POU6F2: variants seen among roughly 807,000 people sequenced by gnomAD.
POU6F2 encodes POU domain, class 6, transcription factor 2.
Under a neutral mutation model 71.3 loss-of-function variants are expected in POU6F2, and 31 were observed. The observed-to-expected ratio is 0.43, with a 90% CI of 0.33 to 0.59. POU6F2 has a LOEUF of 0.59. Ranked by LOEUF, POU6F2 falls within the 20% of genes least tolerant of loss-of-function variation. POU6F2 has a pLI of 0.04. For synonymous variants in POU6F2, 347 were observed against 355.7 expected (o/e 0.98, Z 0.27); for missense variants, 783 against 856.8 (o/e 0.91, Z 1.07).
rs549066277 is a variant in POU6F2, at chr7:39,077,190, C to A, written c.106-8670C>A. Reference sequence around the variant, plus strand: ...AGCCTGGATTGAACTCATATTGATGCTTTTTCATAAAGGCAGCAGAAATTG... The same window carrying A: ...AGCCTGGATTGAACTCATATTGATGATTTTTCATAAAGGCAGCAGAAATTG... On this transcript the variant is annotated intron_variant, in intron 1 of 9. Coordinates refer to ENST00000518318, the MANE Select transcript of POU6F2 (RefSeq NM_001370959.1). Among the ~76,000 whole-genome samples the A allele has an allele frequency of 7.2e-5, 11 of 152,282 alleles. No individual in the cohort carries two copies. The South Asian group carries it at 2.3e-3, about 32-fold the overall frequency.
intron 2 of POU6F2, among the ~76,000 whole-genome samples, chr7:39,161,055 A>T (rs978658948): frequency 3.3e-5 from 5 of 152,178 alleles, no homozygotes; most frequent in Non-Finnish European, 7.4e-5. Context: ...TCAGACTATC[A>T]GAACTGTGAG....
chr7:39,361,361 C>T (rs1304249938), intron 5 of POU6F2, among the ~76,000 whole-genome samples: 2 of 152,202 alleles, frequency 1.3e-5, no homozygotes, highest in Non-Finnish European at 2.9e-5. Context: ...GGAGAAGAGG[C>T]AAGGCTGTCA....
intron 5 of POU6F2, among the ~76,000 whole-genome samples, chr7:39,390,760 C>T (rs1410822452): frequency 2.0e-5 from 3 of 152,066 alleles, no homozygotes; most frequent in Admixed American, 6.6e-5. Flanking sequence ...ATGTTAGTGG[C>T]GTTACATGAG....
chr7:39,002,087 C>A (rs1274904074), intron 1 of POU6F2: 1 of 152,134 alleles, frequency 6.6e-6, no homozygotes, highest in African/African-American at 2.4e-5. Context: ...AAATAACAGA[C>A]AGGATGATAT....
In POU6F2 at chr7:39,463,295, G is replaced by A. The variant is rs561952367; in HGVS notation, c.1659-887G>A. Among the ~76,000 whole-genome samples the A allele has an allele frequency of 2.0e-5, 3 of 152,362 alleles. No individual in the cohort carries two copies. In the South Asian group the frequency reaches 6.2e-4, roughly 32 times the overall value. On this transcript the variant is annotated intron_variant, in intron 9 of 9. Transcript: ENST00000518318. ...AAAGTCAATGTAGCAAAGAATTGCT[G>A]ATGGCAGTTGATATATAGAAGACCT... is the stretch of plus-strand genomic sequence containing the variant.
intron 2 of POU6F2, among the ~76,000 whole-genome samples, chr7:39,096,385 C>T (rs945972785): frequency 1.3e-5 from 2 of 152,126 alleles, no homozygotes; most frequent in Non-Finnish European, 2.9e-5. Context: ...CCCCTTCAGA[C>T]ATCAAAAGAC....
chr7:39,243,190 T>C (rs192989339), intron 4 of POU6F2, among the ~76,000 whole-genome samples: 1 of 152,162 alleles, frequency 6.6e-6, no homozygotes, highest in South Asian at 2.1e-4. Flanking sequence ...AAAATGGCAG[T>C]ATTCTTCCTT....
chr7:39,213,343 T>G (rs1286925590), intron 4 of POU6F2, among the ~76,000 whole-genome samples: 1 of 152,202 alleles, frequency 6.6e-6, no homozygotes, highest in Admixed American at 6.5e-5. Context: ...GGGAATAGTT[T>G]GGGGATTAGG....
chr7:39,056,652 C>G (rs1790526868), intron 1 of POU6F2, among the ~76,000 whole-genome samples: 1 of 129,304 alleles, frequency 7.7e-6, no homozygotes, highest in East Asian at 2.2e-4. Context: ...CTCTTTTTCT[C>G]TCTCTCTCTC....
At chr7:39,306,654 C>A (rs1399360826) in intron 4 of POU6F2, among the ~76,000 whole-genome samples, 1 of 152,140 alleles carries the variant, frequency 6.6e-6, no homozygotes, top group East Asian at 1.9e-4. Context: ...GGGTCACTAC[C>A]TAATCTAGAT....
rs570150846 is a variant in POU6F2, at chr7:39,410,369, A to G, written c.1113+3629A>G. 2.0e-5 allele frequency among the ~76,000 whole-genome samples: 3 copies of G among 152,346 alleles called. No homozygotes were observed. In the East Asian group the frequency reaches 5.8e-4, roughly 29 times the overall value. On this transcript the variant is annotated intron_variant, in intron 6 of 9. Transcript: ENST00000518318. ...TACCCAGGGATGTTAAAGGCTCTAA[A>G]GTTATATAGTACCCAACTCCACTCT...
In POU6F2 at chr7:39,037,928, A is replaced by G. The variant is rs543410701; in HGVS notation, c.106-47932A>G. ...TAGTTTAAGCAAGCAAGAGACATGC[A>G]ATAAGCTATTTTCCAAAAATCTCTC... On this transcript the variant is annotated intron_variant, in intron 1 of 9. Transcript: ENST00000518318. Among the ~76,000 whole-genome samples, 6 of 152,190 alleles carry G rather than the reference A, an allele frequency of 3.9e-5. No homozygotes were observed. In the South Asian group the frequency reaches 1.2e-3, roughly 32 times the overall value.
At chr7:39,220,634 G>C (rs1794331145) in intron 4 of POU6F2, among the ~76,000 whole-genome samples, 1 of 152,026 alleles carries the variant, frequency 6.6e-6, no homozygotes, top group South Asian at 2.1e-4. Flanking sequence ...TAATAGAGTG[G>C]CCTGTGAATC....
At chr7:39,185,903 A>ATATT (rs1562738121) in intron 2 of POU6F2, among the ~76,000 whole-genome samples, 1 of 149,284 alleles carries the variant, frequency 6.7e-6, no homozygotes, top group Non-Finnish European at 1.5e-5. Context: ...GTATATGTAT[A>ATATT]TATATGTATA....
chr7:39,029,288 G>A lies in POU6F2; in HGVS notation c.105+51230G>A, dbSNP rs189954907. Among the ~76,000 whole-genome samples, 41 of 152,086 alleles carry A rather than the reference G, an allele frequency of 2.7e-4. No individual in the cohort carries two copies. The East Asian group carries it at 5.8e-3, about 21-fold the overall frequency. ...TTTTATATTCTTTTGGTTTTTCTAT[G>A]AAGATAATTATGTGATCTGAAAAAT... On this transcript the variant is annotated intron_variant, in intron 1 of 9. Coordinates refer to ENST00000518318, the MANE Select transcript of POU6F2 (RefSeq NM_001370959.1).
At chr7:39,077,144 C>G (rs1464466853) in intron 1 of POU6F2, among the ~76,000 whole-genome samples, 1 of 152,174 alleles carries the variant, frequency 6.6e-6, no homozygotes, top group Admixed American at 6.5e-5. Flanking sequence ...AACCCCATTA[C>G]CAAAAGACCA....
chr7:39,432,242 T>C (rs1324780032), intron 6 of POU6F2, among the ~76,000 whole-genome samples: 2 of 152,128 alleles, frequency 1.3e-5, no homozygotes, highest in African/African-American at 2.4e-5. Context: ...CAGAAGCCAC[T>C]GGATGCAGAG....
At chr7:39,376,392 G>C (rs1786711058) in intron 5 of POU6F2, among the ~76,000 whole-genome samples, 1 of 152,144 alleles carries the variant, frequency 6.6e-6, no homozygotes. Flanking sequence ...GTAGTCAGGA[G>C]GGGTATTCAT....
chr7:39,143,038 C>G (rs1252178293), intron 2 of POU6F2, among the ~76,000 whole-genome samples: 1 of 152,208 alleles, frequency 6.6e-6, no homozygotes, highest in African/African-American at 2.4e-5. Context: ...GTATAAACCC[C>G]TGCCTTCATT....
Sources: allele counts gnomAD v4.1 joint callset (sites outside exome capture counted in the v4.1 genomes callset), GRCh38; gene constraint gnomAD v4.1.1; transcripts MANE v1.5; gene names NCBI Gene and HGNC (gene_info 2026-07-23, HGNC 2026-07-21).